Variants in TMC1 observed in about 807,000 individuals in gnomAD.
TMC1 encodes the protein transmembrane channel-like protein 1.
Under a neutral mutation model 105.8 loss-of-function variants are expected in TMC1, and 84 were observed. That is an observed-to-expected ratio of 0.79 (90% confidence interval 0.67 to 0.95). The LOEUF (loss-of-function observed/expected upper bound fraction) is 0.95, where lower values mean the gene tolerates loss of function less well. Ranked by LOEUF, TMC1 falls within the 40% of genes least tolerant of loss-of-function variation. TMC1 has a pLI of 0.00. For missense variants in TMC1, 817 were observed against 914.1 expected, an observed-to-expected ratio of 0.89 and a Z score of 1.37; for synonymous variants, 315 against 311.5, an observed-to-expected ratio of 1.01 and a Z score of -0.12.
intron 18 of TMC1, among the ~76,000 whole-genome samples, chr9:72,809,815 C>T (rs933430089): frequency 1.3e-5 from 2 of 152,070 alleles, no homozygotes; most frequent in Non-Finnish European, 2.9e-5. Context: ...GTTGAGAAAC[C>T]ACTGCCATCT....
intron 5 of TMC1, among the ~76,000 whole-genome samples, chr9:72,665,296 C>T (rs932210085): frequency 6.6e-6 from 1 of 152,108 alleles, no homozygotes; most frequent in East Asian, 1.9e-4. Context: ...CTGAGAGCTG[C>T]TTTCAGGTGG....
intron 7 of TMC1, among the ~76,000 whole-genome samples, chr9:72,697,347 T>C (rs574102730): frequency 6.6e-6 from 1 of 152,254 alleles, no homozygotes; most frequent in East Asian, 1.9e-4. Context: ...TCTTGCAATC[T>C]TCAAAAGTCC....
chr9:72,752,341 G>C (rs1827593135), intron 11 of TMC1, among the ~76,000 whole-genome samples: 1 of 152,004 alleles, frequency 6.6e-6, no homozygotes. Context: ...AGTTAGCTTT[G>C]AAAGAAATGC....
chr9:72,687,789 C>T (rs1199340059), intron 5 of TMC1, among the ~76,000 whole-genome samples: 1 of 152,054 alleles, frequency 6.6e-6, no homozygotes, highest in East Asian at 1.9e-4. Flanking sequence ...CACTGTTTGT[C>T]ATCTTTGCTT....
intron 1 of TMC1, among the ~76,000 whole-genome samples, chr9:72,538,427 G>GTATTA (rs1823621023): frequency 6.8e-6 from 1 of 146,012 alleles, no homozygotes; most frequent in Non-Finnish European, 1.5e-5. Flanking sequence ...GTATTGTATT[G>GTATTA]TATTGTATTG....
At chr9:72,760,134 T>C (rs987376031) in intron 12 of TMC1, among the ~76,000 whole-genome samples, 17 of 152,322 alleles carry the variant, frequency 1.1e-4, no homozygotes, top group Non-Finnish European at 2.1e-4. Flanking sequence ...AATCATACTT[T>C]GAAAATTGTT....
chr9:72,559,924 A>C (rs1824016304), intron 1 of TMC1, among the ~76,000 whole-genome samples: 1 of 152,226 alleles, frequency 6.6e-6, no homozygotes, highest in South Asian at 2.1e-4. Flanking sequence ...ACCAGACCTC[A>C]ATGTATTTAG....
rs370528238 is a variant in TMC1, at chr9:72,622,269, C to A, written c.-195-5652C>A. Reference sequence around the variant, plus strand: ...CCCGCAGCACCAAGCAAAGGAAGGTCACTCCTGTACACCAGCTTCCAACCA... The same window carrying A: ...CCCGCAGCACCAAGCAAAGGAAGGTAACTCCTGTACACCAGCTTCCAACCA... On this transcript the variant is annotated intron_variant, in intron 3 of 23. Transcript: ENST00000297784. 3.3e-5 allele frequency among the ~76,000 whole-genome samples: 5 copies of A among 152,292 alleles called. 1 individual carries two copies. The highest frequency in any genetic ancestry group is 6.5e-5 in the Admixed American group (1 of 15,304).
rs1265919069 is a variant in TMC1, at chr9:72,642,257, G to A, written c.-52-6340G>A. On this transcript the variant is annotated intron_variant, in intron 4 of 23. Transcript: ENST00000297784. ...CTCAAGCTGCAAATTCTCTATTCCA[G>A]GATCTTATGATCTGTGTCCTAACTA... Among the ~76,000 whole-genome samples, 7 of 152,250 alleles carry A rather than the reference G, an allele frequency of 4.6e-5. No individual in the cohort carries two copies. The East Asian group carries it at 1.2e-3, about 25-fold the overall frequency.
intron 8 of TMC1, among the ~76,000 whole-genome samples, chr9:72,727,008 A>G (rs1827136127): frequency 6.6e-6 from 1 of 152,240 alleles, no homozygotes. Flanking sequence ...AAATTAGCAC[A>G]GTCTGTCTAT....
At chr9:72,685,361 C>A (rs1826363024) in intron 5 of TMC1, among the ~76,000 whole-genome samples, 1 of 106,226 alleles carries the variant, frequency 9.4e-6, no homozygotes, top group South Asian at 3.0e-4. Context: ...CCGCCTTGGC[C>A]ATTTTTTTTT....
At chr9:72,613,039 T>A (rs1465642323) in intron 2 of TMC1, among the ~76,000 whole-genome samples, 1 of 152,140 alleles carries the variant, frequency 6.6e-6, no homozygotes, top group Non-Finnish European at 1.5e-5. Flanking sequence ...GAAGGATTGT[T>A]AGGAGCTGAG....
At chr9:72,705,828 A>C (rs1034474452) in intron 8 of TMC1, among the ~76,000 whole-genome samples, 18 of 152,204 alleles carry the variant, frequency 1.2e-4, no homozygotes, top group African/African-American at 4.1e-4. Context: ...TTTAGCTATT[A>C]TACTGACTAC....
At chr9:72,806,345 G>A (rs1828584759) in intron 18 of TMC1, among the ~76,000 whole-genome samples, 1 of 147,614 alleles carries the variant, frequency 6.8e-6, no homozygotes, top group Admixed American at 6.7e-5. Flanking sequence ...TGGCCGGGTG[G>A]GGGGCTGACC....
chr9:72,707,552 T>C (rs1375538770), intron 8 of TMC1, among the ~76,000 whole-genome samples: 3 of 152,236 alleles, frequency 2.0e-5, no homozygotes, highest in Admixed American at 2.0e-4. Context: ...GTCGTTTGTA[T>C]ATCTTCTTTT....
At chr9:72,773,702 G>T (rs1437656743) in intron 13 of TMC1, among the ~76,000 whole-genome samples, 1 of 152,078 alleles carries the variant, frequency 6.6e-6, no homozygotes, top group African/African-American at 2.4e-5. Context: ...TTACATTACT[G>T]AGGCCTCATG....
In TMC1 at chr9:72,805,376, C is replaced by T. The variant is rs1828555200; in HGVS notation, c.1567-6C>T. 6 of 1,613,436 alleles carry T rather than the reference C, an allele frequency of 3.7e-6. No individual in the cohort carries two copies. The East Asian group carries it at 1.1e-4, about 30-fold the overall frequency. On this transcript the variant is annotated splice_polypyrimidine_tract_variant and splice_region_variant and intron_variant, in intron 17 of 23. Transcript: ENST00000297784. ...GTGTGTTTTAATAGAGATAATATCT[C>T]AACAGGAGTTTGTGAGGCTGACAGT...
At chr9:72,782,852 G>T (rs891568528) in intron 13 of TMC1, among the ~76,000 whole-genome samples, 10 of 151,998 alleles carry the variant, frequency 6.6e-5, no homozygotes, top group Admixed American at 6.6e-5. Context: ...TTGTTAAAAT[G>T]GCCATATTAC....
At chr9:72,580,018 G>C (rs2132098003) in intron 2 of TMC1, among the ~76,000 whole-genome samples, 1 of 152,330 alleles carries the variant, frequency 6.6e-6, no homozygotes, top group Non-Finnish European at 1.5e-5. Flanking sequence ...AAATGGCTAA[G>C]CAGGGGTTCT....
Sources: allele counts gnomAD v4.1 joint callset (sites outside exome capture counted in the v4.1 genomes callset), GRCh38; gene constraint gnomAD v4.1.1; transcripts MANE v1.5; gene names NCBI Gene and HGNC (gene_info 2026-07-23, HGNC 2026-07-21).